C10orf90: variants seen among roughly 807,000 people sequenced by gnomAD.
C10orf90 encodes chromosome 10 open reading frame 90.
In C10orf90, 56 loss-of-function variants were observed where a neutral mutation model predicts 62.5. The observed-to-expected ratio is 0.90, with a 90% confidence interval of 0.72 to 1.12. C10orf90 has a LOEUF of 1.12. Ranked by LOEUF, C10orf90 falls within the 50% of genes most tolerant of loss-of-function variation. C10orf90 has a pLI of 0.00. For missense variants in C10orf90, 970 were observed against 880.4 expected, an observed-to-expected ratio of 1.10 and a Z score of -1.29; for synonymous variants, 386 against 340.4, an observed-to-expected ratio of 1.13 and a Z score of -1.47.
At chr10:126,530,636 A>G (rs552158482) in intron 2 of C10orf90, among the ~76,000 whole-genome samples, 1 of 152,306 alleles carries the variant, frequency 6.6e-6, no homozygotes, top group East Asian at 1.9e-4. Context: ...ACTGGAGACA[A>G]GAAAATGAAA....
chr10:126,445,826 T>TATACATAC (rs57867349), intron 7 of C10orf90, among the ~76,000 whole-genome samples: 4 of 144,768 alleles, frequency 2.8e-5, no homozygotes, highest in African/African-American at 1.0e-4. Flanking sequence ...TATATATATA[T>TATACATAC]ACAATGGAAT....
intron 2 of C10orf90, among the ~76,000 whole-genome samples, chr10:126,600,190 C>A (rs1392723442): frequency 6.8e-6 from 1 of 146,130 alleles, no homozygotes; most frequent in Admixed American, 6.6e-5. Flanking sequence ...CGTGTGTGTG[C>A]ATCGCATGTG....
intron 2 of C10orf90, among the ~76,000 whole-genome samples, chr10:126,641,393 CATCA>C (rs1381407211): frequency 6.6e-6 from 1 of 152,078 alleles, no homozygotes; most frequent in Non-Finnish European, 1.5e-5. Flanking sequence ...TTATCCCACT[CATCA>C]ATCAAAGTTT....
chr10:126,478,621 C>T (rs1368820110), intron 4 of C10orf90, among the ~76,000 whole-genome samples: 1 of 152,074 alleles, frequency 6.6e-6, no homozygotes, highest in Non-Finnish European at 1.5e-5. Flanking sequence ...TGTTTCCTGC[C>T]CTTTTTGCCA....
intron 4 of C10orf90, among the ~76,000 whole-genome samples, chr10:126,502,250 C>T (rs1226587175): frequency 6.6e-6 from 1 of 152,176 alleles, no homozygotes. Context: ...CCCAAAGCTA[C>T]TGAAATTGTA....
chr10:126,610,999 T>C (rs1845420972), intron 2 of C10orf90, among the ~76,000 whole-genome samples: 3 of 152,212 alleles, frequency 2.0e-5, no homozygotes. Context: ...GTACTTGTTA[T>C]GCAACACAAT....
At chr10:126,557,293 A>G (rs1864798294) in intron 2 of C10orf90, among the ~76,000 whole-genome samples, 1 of 151,974 alleles carries the variant, frequency 6.6e-6, no homozygotes, top group African/African-American at 2.4e-5. Context: ...CATCCTGGCT[A>G]ACACGGTGAA....
chr10:126,527,538 T>C (rs563053077), intron 2 of C10orf90, among the ~76,000 whole-genome samples: 1 of 152,362 alleles, frequency 6.6e-6, no homozygotes, highest in Admixed American at 6.5e-5. Flanking sequence ...GCACCTTCAA[T>C]GGCAGAGCAT....
chr10:126,553,438 A>G (rs1864684133), intron 2 of C10orf90, among the ~76,000 whole-genome samples: 1 of 152,242 alleles, frequency 6.6e-6, no homozygotes, highest in Admixed American at 6.5e-5. Context: ...CTTGTACCAC[A>G]TAATGACATT....
rs1297210834 is a variant in C10orf90 at position 126,586,815 on chromosome 10, C to T, written c.313+59750G>A. ...AAAATATGTTGCGTTATCCTATCCACCACAGGCGCTGCTCCTCTGTGACTC... is the reference window on the plus strand; with the variant it reads ...AAAATATGTTGCGTTATCCTATCCATCACAGGCGCTGCTCCTCTGTGACTC... On this transcript the variant is annotated intron_variant, in intron 2 of 9. Coordinates refer to ENST00000488181, the MANE Select transcript of C10orf90 (RefSeq NM_001350921.2). Among the ~76,000 whole-genome samples the T allele has an allele frequency of 2.6e-5, 4 of 152,140 alleles. No individual in the cohort carries two copies. The East Asian group carries it at 7.7e-4, about 29-fold the overall frequency.
intron 2 of C10orf90, among the ~76,000 whole-genome samples, chr10:126,593,058 A>G (rs1302580336): frequency 1.3e-5 from 2 of 152,226 alleles, no homozygotes; most frequent in African/African-American, 2.4e-5. Context: ...AAGGTTGCAG[A>G]GAAAAAGGAA....
At chr10:126,502,796 A>T (rs1185767626) in intron 4 of C10orf90, 2 of 528,364 alleles carry the variant, frequency 3.8e-6, no homozygotes, top group Non-Finnish European at 7.7e-6. Flanking sequence ...TATCTTTGGA[A>T]CATTGATAGC....
At position 126,492,559 on chromosome 10, in the gene C10orf90, C is replaced by T. The variant is rs117797824; in HGVS notation, c.1534+11398G>A. Among the ~76,000 whole-genome samples, 75 of 152,192 alleles carry T rather than the reference C, an allele frequency of 4.9e-4. 1 individual carries two copies. In the East Asian group the frequency reaches 0.014, roughly 29 times the overall value. On this transcript the variant is annotated intron_variant, in intron 4 of 9. Coordinates refer to ENST00000488181, the MANE Select transcript of C10orf90 (RefSeq NM_001350921.2). Reference sequence around the variant, plus strand: ...ACAGACAACATTAAAAAGTAAAATACAGGTTATTTTCAGCATAAATACAAG... The same window carrying T: ...ACAGACAACATTAAAAAGTAAAATATAGGTTATTTTCAGCATAAATACAAG...
intron 4 of C10orf90, among the ~76,000 whole-genome samples, chr10:126,470,409 A>G (rs1860518454): frequency 6.6e-6 from 1 of 152,212 alleles, no homozygotes; most frequent in Non-Finnish European, 1.5e-5. Flanking sequence ...ATGAAATAAA[A>G]GAAAGTCAAG....
intron 4 of C10orf90, among the ~76,000 whole-genome samples, chr10:126,497,757 C>T (rs1255515286): frequency 6.6e-6 from 1 of 152,176 alleles, no homozygotes; most frequent in Admixed American, 6.5e-5. Context: ...CCCAACTACT[C>T]AACTTTGCTG....
At chr10:126,536,624 T>G (rs1176329656) in intron 2 of C10orf90, among the ~76,000 whole-genome samples, 1 of 152,104 alleles carries the variant, frequency 6.6e-6, no homozygotes, top group Non-Finnish European at 1.5e-5. Context: ...AAGGAAAGGT[T>G]TTAGCTTTGG....
At chr10:126,622,011 T>A (rs1845653064) in intron 2 of C10orf90, among the ~76,000 whole-genome samples, 1 of 151,704 alleles carries the variant, frequency 6.6e-6, no homozygotes, top group Non-Finnish European at 1.5e-5. Context: ...TTAGCAAGCA[T>A]CGTCCTGGCC....
intron 4 of C10orf90, 106 bp downstream of exon 4, chr10:126,503,851 T>A: frequency 1.5e-6 from 2 of 1,365,874 alleles, no homozygotes; most frequent in Non-Finnish European, 2.0e-6. Flanking sequence ...GCAAGTCTAC[T>A]GAGAAATGCC....
chr10:126,431,675 G>C (rs1397558876), intron 7 of C10orf90, among the ~76,000 whole-genome samples: 1 of 152,220 alleles, frequency 6.6e-6, no homozygotes, highest in Non-Finnish European at 1.5e-5. Context: ...GGTGAGGCCA[G>C]GGTAGACAGA....
Sources: gnomAD v4.1 joint callset for allele counts (sites outside exome capture counted in the v4.1 genomes callset) on GRCh38, gnomAD v4.1.1 for gene constraint, MANE v1.5 for transcripts, NCBI Gene and HGNC (gene_info 2026-07-23, HGNC 2026-07-21) for gene names.